Variants in RUNX1 observed in about 807,000 individuals in gnomAD.
RUNX1 encodes runt-related transcription factor 1.
RUNX1 carries 19 observed loss-of-function variants against 42.8 expected under a neutral mutation model. The observed-to-expected ratio is 0.44, with a 90% confidence interval of 0.31 to 0.65. The LOEUF is 0.65. RUNX1 is among the 30% of genes least tolerant of loss of function. RUNX1 has a pLI of 0.07. For synonymous variants in RUNX1, 271 were observed against 289.4 expected (o/e 0.94, Z 0.64); for missense variants, 528 against 672.0 (o/e 0.79, Z 2.37).
chr21:34,821,294 A>T lies in RUNX1; in HGVS notation c.805+13116T>A, dbSNP rs994432838. ...ATAGCAATAATAGTGAAAAAGAATAACATTGACCATTTATTAAGTATTGAA... is the reference window on the plus strand; with the variant it reads ...ATAGCAATAATAGTGAAAAAGAATATCATTGACCATTTATTAAGTATTGAA... On this transcript the variant is annotated intron_variant, in intron 7 of 8. Transcript: ENST00000675419. The T allele has an allele frequency of 3.6e-6, 4 of 1,104,106 alleles. No homozygotes were observed. The Admixed American group carries it at 1.9e-4, about 52-fold the overall frequency. The allele number at this position is 1,104,106 out of a possible 1,614,324, so 68.4% of individuals were successfully genotyped here. A position where few individuals can be genotyped will look rare whatever the true frequency, so the allele number is the denominator to read the frequency against.
chr21:34,860,086 G>T (rs1039616217), intron 5 of RUNX1, among the ~76,000 whole-genome samples: 2 of 152,192 alleles, frequency 1.3e-5, no homozygotes, highest in Non-Finnish European at 2.9e-5. Flanking sequence ...ACGAAGTCTG[G>T]CTGATTTTAA....
chr21:34,935,542 A>G (rs933147001), intron 2 of RUNX1, among the ~76,000 whole-genome samples: 1 of 152,212 alleles, frequency 6.6e-6, no homozygotes, highest in African/African-American at 2.4e-5. Flanking sequence ...GTGAATGACA[A>G]TAATAGTTGA....
Position 34,888,727 on chromosome 21 carries a change from A to T in RUNX1, c.98-1631T>A, listed in dbSNP as rs1252032645. 4.9e-6 allele frequency: 5 copies of T among 1,017,730 alleles called. No individual in the cohort carries two copies. The East Asian group carries it at 3.1e-4, about 63-fold the overall frequency. 63.0% of individuals were successfully genotyped at this position (1,017,730 alleles called of 1,614,324 possible). On this transcript the variant is annotated intron_variant, in intron 3 of 8. Coordinates refer to ENST00000675419, the MANE Select transcript of RUNX1 (RefSeq NM_001754.5). ...CTGGAAATGAACGTGCTTTTACTGT[A>T]AGCCCGGCCGGAGGAATTCCATTCC...
At chr21:35,015,023 T>C (rs574103246) in intron 2 of RUNX1, among the ~76,000 whole-genome samples, 41 of 152,290 alleles carry the variant, frequency 2.7e-4, no homozygotes, top group African/African-American at 9.6e-4. Context: ...TGCACTCAAC[T>C]CTTGACAGAT....
chr21:34,853,365 A>G (rs1043855494), intron 6 of RUNX1, among the ~76,000 whole-genome samples: 1 of 152,184 alleles, frequency 6.6e-6, no homozygotes, highest in Non-Finnish European at 1.5e-5. Flanking sequence ...TGCTTTCTTG[A>G]AGAAAACTGT....
intron 3 of RUNX1, chr21:34,888,822 T>A (rs1376226677): frequency 1.0e-5 from 4 of 398,132 alleles, no homozygotes; most frequent in African/African-American, 4.3e-5. Context: ...AGGGCGCGGC[T>A]CGCCGCCGCC....
chr21:34,792,311 GCTC>G lies in RUNX1; in HGVS notation c.1264_1266del (p.Glu422del). ...GGCGGCAGGATGCGCGGCGGCGAGCGCTCGCCGCCCACCATGGAGAACTGGTAG... is the reference window on the plus strand; with the variant it reads ...GGCGGCAGGATGCGCGGCGGCGAGCGGCCGCCCACCATGGAGAACTGGTAG... On this transcript the variant is annotated inframe_deletion, in exon 9 of 9. Transcript: ENST00000675419. This position sits in a 1 kb window ranked among gnomAD's most constrained non-coding sequence, Gnocchi z 6.9. 1.3e-6 allele frequency: 2 copies of G among 1,539,262 alleles called. No individual in the cohort carries two copies. Among genetic ancestry groups the G allele is most frequent in the Non-Finnish European group, 8.7e-7 (1 of 1,143,622 alleles).
At position 34,790,166 on chromosome 21, in the gene RUNX1, A is replaced by G. The variant is rs2056416698; in HGVS notation, c.*1969T>C. On this transcript the variant is annotated 3_prime_UTR_variant, in exon 9 of 9. Coordinates refer to ENST00000675419, the MANE Select transcript of RUNX1 (RefSeq NM_001754.5). ...TAGATAAGAACGACCTGACAACATA[A>G]GCTGCTTTACTCTTTAACTCTTACC... The G allele has an allele frequency of 1.3e-5, 3 of 233,120 alleles. No homozygotes were observed. Among genetic ancestry groups the G allele is most frequent in the African/African-American group, 2.2e-5 (1 of 45,328 alleles). 14.4% of individuals were successfully genotyped at this position (233,120 alleles called of 1,614,324 possible).
intron 6 of RUNX1, among the ~76,000 whole-genome samples, chr21:34,856,710 T>C (rs2057499702): frequency 6.6e-6 from 1 of 152,238 alleles, no homozygotes; most frequent in African/African-American, 2.4e-5. Context: ...TTTGATTTTA[T>C]GAAACTAGAG....
At chr21:35,020,226 C>T (rs1049913639) in intron 2 of RUNX1, among the ~76,000 whole-genome samples, 1 of 151,980 alleles carries the variant, frequency 6.6e-6, no homozygotes, top group East Asian at 1.9e-4. Flanking sequence ...TTAGTTCCTC[C>T]CCGACCTTAC....
At chr21:34,895,709 A>C (rs2058124695) in intron 2 of RUNX1, among the ~76,000 whole-genome samples, 2 of 152,014 alleles carry the variant, frequency 1.3e-5, no homozygotes. Flanking sequence ...GTTTGAGACC[A>C]GGTTGGGGAG....
chr21:34,990,010 G>A (rs2058924247), intron 2 of RUNX1, among the ~76,000 whole-genome samples: 1 of 152,186 alleles, frequency 6.6e-6, no homozygotes, highest in Non-Finnish European at 1.5e-5. Flanking sequence ...GTAAATGTGA[G>A]CTGTTTTCAC....
At chr21:35,028,386 C>T (rs2059251422) in intron 2 of RUNX1, among the ~76,000 whole-genome samples, 1 of 152,184 alleles carries the variant, frequency 6.6e-6, no homozygotes. Context: ...GACCTGGCTT[C>T]AATTTTGCTG....
chr21:34,795,111 G>T (rs752029217), intron 8 of RUNX1, among the ~76,000 whole-genome samples: 3 of 152,188 alleles, frequency 2.0e-5, no homozygotes, highest in East Asian at 3.8e-4. Flanking sequence ...TTTAAAATGT[G>T]AAGTTCTCAG....
intron 2 of RUNX1, among the ~76,000 whole-genome samples, chr21:34,930,096 A>T (rs1012151669): frequency 8.8e-5 from 13 of 147,718 alleles, no homozygotes; most frequent in Non-Finnish European, 4.5e-5. Context: ...ATATATATTT[A>T]AAAATAAATA....
chr21:35,039,385 A>G (rs1016567337), intron 2 of RUNX1, among the ~76,000 whole-genome samples: 3 of 152,126 alleles, frequency 2.0e-5, no homozygotes, highest in African/African-American at 7.2e-5. Context: ...TCTAAAAATC[A>G]CTCCAGCCAA....
chr21:35,045,257 A>G lies in RUNX1; in HGVS notation c.58+3585T>C, dbSNP rs112209444. 5.7e-3 allele frequency among the ~76,000 whole-genome samples: 862 copies of G among 152,220 alleles called. 8 individuals are homozygous for G. Among genetic ancestry groups the G allele is most frequent in the African/African-American group, 0.02 (816 of 41,516 alleles). On this transcript the variant is annotated intron_variant, in intron 2 of 8. Transcript: ENST00000675419. ...TTTCAGATGTGAAACTCCATCTCAC[A>G]AAGGAGGAACTACAGTCTGATTCTT...
intron 6 of RUNX1, among the ~76,000 whole-genome samples, chr21:34,852,405 G>C (rs1157684005): frequency 6.6e-6 from 1 of 152,106 alleles, no homozygotes; most frequent in Non-Finnish European, 1.5e-5. Flanking sequence ...CTAGGGTCAA[G>C]GAAGTCTGTA....
intron 3 of RUNX1, among the ~76,000 whole-genome samples, chr21:34,891,516 C>A (rs183480433): frequency 4.4e-4 from 67 of 152,144 alleles, no homozygotes; most frequent in African/African-American, 1.3e-3. Context: ...TTTTACGGAG[C>A]CTGCACTTTC....
Sources: allele counts gnomAD v4.1 joint callset (sites outside exome capture counted in the v4.1 genomes callset), GRCh38; gene constraint gnomAD v4.1.1; non-coding constraint Gnocchi (gnomAD v3.1); transcripts MANE v1.5; gene names NCBI Gene and HGNC (gene_info 2026-07-23, HGNC 2026-07-21).